Variants in CDYL observed in about 807,000 individuals in gnomAD.
CDYL encodes chromodomain Y-like protein.
Under a neutral mutation model 47.3 loss-of-function variants are expected in CDYL, and 8 were observed. The ratio of observed to expected loss-of-function variants is 0.17; its 90% confidence interval spans 0.10 to 0.31. The LOEUF (loss-of-function observed/expected upper bound fraction) is 0.31, where lower values mean the gene tolerates loss of function less well. Ranked by LOEUF, CDYL falls within the 10% of genes least tolerant of loss-of-function variation. The pLI, the probability that CDYL is intolerant of heterozygous loss-of-function variation, is 1.00. For missense variants in CDYL, 471 were observed against 701.4 expected (o/e 0.67, Z 3.71); for synonymous variants, 266 against 265.0 (o/e 1.00, Z -0.04).
At chr6:4,905,417 C>G (rs1355894970) in intron 2 of CDYL, among the ~76,000 whole-genome samples, 1 of 152,198 alleles carries the variant, frequency 6.6e-6, no homozygotes. Flanking sequence ...TCCTCAGCTG[C>G]TCAGCTGATT....
intron 3 of CDYL, among the ~76,000 whole-genome samples, chr6:4,735,690 C>G (rs529510666): frequency 2.6e-5 from 4 of 152,058 alleles, no homozygotes; most frequent in Admixed American, 6.5e-5. Flanking sequence ...CACTTGAACC[C>G]AGGAGGTGGA....
At chr6:4,729,059 T>A (rs1001204549) in intron 2 of CDYL, among the ~76,000 whole-genome samples, 2 of 152,130 alleles carry the variant, frequency 1.3e-5, no homozygotes, top group African/African-American at 4.8e-5. Flanking sequence ...TTAACCCTTA[T>A]TTAATGTCTT....
chr6:4,755,944 G>C (rs984915517), intron 3 of CDYL, among the ~76,000 whole-genome samples: 2 of 152,120 alleles, frequency 1.3e-5, no homozygotes, highest in Non-Finnish European at 2.9e-5. Flanking sequence ...CTATGGTACC[G>C]TAATTCTCCT....
intron 1 of CDYL, among the ~76,000 whole-genome samples, chr6:4,847,012 T>C (rs912592887): frequency 6.6e-5 from 10 of 152,242 alleles, no homozygotes; most frequent in South Asian, 2.1e-4. Flanking sequence ...CCCATTCTTA[T>C]TCTGCACACT....
At position 4,711,270 on chromosome 6, in the gene CDYL, T is replaced by G. The variant is rs894201663; in HGVS notation, c.-38-4471T>G. Among the ~76,000 whole-genome samples, 7 of 152,228 alleles carry G rather than the reference T, an allele frequency of 4.6e-5. No homozygotes were observed. The East Asian group carries it at 7.7e-4, about 17-fold the overall frequency. ...GAGGAGGCCCTTTAACCTAACCCTCTCCTGCCACAGAGTAAAGGAAGAAAC... is the reference window on the plus strand; with the variant it reads ...GAGGAGGCCCTTTAACCTAACCCTCGCCTGCCACAGAGTAAAGGAAGAAAC... On this transcript the variant is annotated intron_variant, in intron 1 of 8. Transcript: ENST00000328908.
intron 1 of CDYL, among the ~76,000 whole-genome samples, chr6:4,807,365 C>G (rs76145582): frequency 0.024 from 3,716 of 152,220 alleles, 163 homozygotes; most frequent in African/African-American, 0.085. Context: ...CTACTTTTCA[C>G]TTTGTAATTA....
intron 1 of CDYL, among the ~76,000 whole-genome samples, chr6:4,869,108 T>C (rs1257006598): frequency 1.3e-5 from 2 of 152,088 alleles, no homozygotes; most frequent in Non-Finnish European, 2.9e-5. Flanking sequence ...TATTTTTTTT[T>C]TTTTCGAGAC....
intron 1 of CDYL, among the ~76,000 whole-genome samples, chr6:4,879,281 A>G (rs533557289): frequency 1.3e-4 from 20 of 152,272 alleles, no homozygotes; most frequent in East Asian, 9.6e-4. Context: ...AAAATTTTCA[A>G]CTGAGTTTGT....
At chr6:4,725,957 C>T (rs1371314778) in intron 2 of CDYL, among the ~76,000 whole-genome samples, 2 of 151,850 alleles carry the variant, frequency 1.3e-5, no homozygotes, top group Non-Finnish European at 2.9e-5. Context: ...TACCAAGCAG[C>T]GTTTCACTGC....
At chr6:4,858,364 C>G (rs1761072666) in intron 1 of CDYL, among the ~76,000 whole-genome samples, 2 of 152,200 alleles carry the variant, frequency 1.3e-5, no homozygotes, top group South Asian at 4.1e-4. Context: ...ATGGCGAACA[C>G]AAACACAGTC....
At chr6:4,902,370 C>T (rs2127494764) in intron 2 of CDYL, among the ~76,000 whole-genome samples, 1 of 150,162 alleles carries the variant, frequency 6.7e-6, no homozygotes, top group Non-Finnish European at 1.5e-5. Context: ...CGCACCATTG[C>T]ACTCCAGTCT....
chr6:4,717,703 C>A (rs1582274019), intron 2 of CDYL, among the ~76,000 whole-genome samples: 175 of 49,294 alleles, frequency 3.6e-3, no homozygotes, highest in African/African-American at 7.8e-3. Context: ...AAGACCCTCA[C>A]AAAAAAAAAA....
chr6:4,737,904 A>C (rs1268838638), intron 3 of CDYL, among the ~76,000 whole-genome samples: 1 of 152,256 alleles, frequency 6.6e-6, no homozygotes, highest in African/African-American at 2.4e-5. Flanking sequence ...TAAAAACTTC[A>C]ACACAATAAC....
chr6:4,803,798 T>A (rs1022549785), intron 1 of CDYL, among the ~76,000 whole-genome samples: 1 of 151,684 alleles, frequency 6.6e-6, no homozygotes, highest in African/African-American at 2.4e-5. Context: ...CATTCTAGCT[T>A]GTAAATGATG....
intron 1 of CDYL, among the ~76,000 whole-genome samples, chr6:4,788,486 A>AT (rs1758822531): frequency 1.3e-5 from 2 of 148,710 alleles, no homozygotes; most frequent in African/African-American, 5.1e-5. Context: ...CTGTCAAAAA[A>AT]AAAAAAAAAA....
At chr6:4,810,914 G>T (rs1287645974) in intron 1 of CDYL, among the ~76,000 whole-genome samples, 1 of 152,202 alleles carries the variant, frequency 6.6e-6, no homozygotes, top group Non-Finnish European at 1.5e-5. Flanking sequence ...TTTCAACATA[G>T]GAAATTTTGG....
chr6:4,889,849 G>A (rs1761993726), intron 1 of CDYL: 1 of 436,426 alleles, frequency 2.3e-6, no homozygotes, highest in Non-Finnish European at 3.0e-6. Flanking sequence ...TAAAAACGGA[G>A]CACACACCTA....
At chr6:4,799,252 A>T (rs1026931913) in intron 1 of CDYL, among the ~76,000 whole-genome samples, 3 of 152,130 alleles carry the variant, frequency 2.0e-5, no homozygotes, top group Non-Finnish European at 4.4e-5. Context: ...ATTCCATTGT[A>T]GTCAAAGCAC....
intron 1 of CDYL, among the ~76,000 whole-genome samples, chr6:4,872,704 T>C (rs969437876): frequency 6.6e-6 from 1 of 152,200 alleles, no homozygotes; most frequent in African/African-American, 2.4e-5. Flanking sequence ...ATTTAAGATA[T>C]GTGAAGGCTT....
Sources: gnomAD v4.1 joint callset for allele counts (sites outside exome capture counted in the v4.1 genomes callset) on GRCh38, gnomAD v4.1.1 for gene constraint, MANE v1.5 for transcripts, NCBI Gene and HGNC (gene_info 2026-07-23, HGNC 2026-07-21) for gene names.